The following TXLNB variants were observed in gnomAD, a reference collection of about 807,000 sequenced individuals.
TXLNB encodes beta-taxilin.
In TXLNB, 37 loss-of-function variants were observed where a neutral mutation model predicts 57.4. That is an observed-to-expected ratio of 0.64 (90% CI 0.50 to 0.85). The LOEUF (loss-of-function observed/expected upper bound fraction) is 0.85. Ranked by LOEUF, TXLNB falls within the 40% of genes least tolerant of loss-of-function variation. The pLI is 0.00. For synonymous variants in TXLNB, 302 were observed against 309.6 expected, an observed-to-expected ratio of 0.98 and a Z score of 0.26; for missense variants, 848 against 825.6, an observed-to-expected ratio of 1.03 and a Z score of -0.33.
the TXLNB span, among the ~76,000 whole-genome samples, chr6:139,229,944 T>C: frequency 6.6e-6 from 1 of 152,228 alleles, no homozygotes; most frequent in African/African-American, 2.4e-5. Flanking sequence ...CTATTTCTTT[T>C]TTTCCTGGAC....
intron 2 of TXLNB, among the ~76,000 whole-genome samples, chr6:139,288,117 G>A (rs1479863467): frequency 6.6e-6 from 1 of 152,222 alleles, no homozygotes; most frequent in African/African-American, 2.4e-5. Flanking sequence ...TAGTGGTGGT[G>A]GTGGTAATAG....
At chr6:139,255,412 T>A (rs1776310431) in intron 7 of TXLNB, 152 bp downstream of exon 7, 1 of 704,926 alleles carries the variant, frequency 1.4e-6, no homozygotes, top group African/African-American at 1.8e-5. Flanking sequence ...TACTTGAAAA[T>A]ATGAATAAAT....
intron 3 of TXLNB, among the ~76,000 whole-genome samples, chr6:139,274,827 G>A (rs985365164): frequency 6.6e-6 from 1 of 152,142 alleles, no homozygotes; most frequent in African/African-American, 2.4e-5. Context: ...GCCTTGGTAT[G>A]AGTTGGTAAA....
At chr6:139,201,589 T>C in the TXLNB span, 1 of 152,236 alleles carries the variant, frequency 6.6e-6, no homozygotes, top group Non-Finnish European at 1.5e-5. Flanking sequence ...AATTCATGAA[T>C]TGCAAGTAAA....
the TXLNB span, among the ~76,000 whole-genome samples, chr6:139,212,713 T>C: frequency 6.6e-6 from 1 of 152,244 alleles, no homozygotes; most frequent in Non-Finnish European, 1.5e-5. Flanking sequence ...GACCCATCAG[T>C]GTGCTGTATT....
chr6:139,298,101 C>T, the TXLNB span, among the ~76,000 whole-genome samples: 1 of 152,154 alleles, frequency 6.6e-6, no homozygotes, highest in African/African-American at 2.4e-5. Context: ...AATATGATTC[C>T]CACCCTGTGA....
chr6:139,287,263 G>A (rs1331734418), intron 2 of TXLNB: 1 of 152,278 alleles, frequency 6.6e-6, no homozygotes, highest in African/African-American at 2.4e-5. Flanking sequence ...GCCCAAGACA[G>A]CACTACTGTT....
intron 2 of TXLNB, chr6:139,286,884 C>T (rs1411829145): frequency 5.9e-6 from 1 of 170,722 alleles, no homozygotes; most frequent in Non-Finnish European, 1.2e-5. Flanking sequence ...CTCAAGGCTC[C>T]CACTGATTCT....
At chr6:139,174,600 T>G in the TXLNB span, 1 of 1,573,414 alleles carries the variant, frequency 6.4e-7, no homozygotes, top group African/African-American at 1.4e-5. Flanking sequence ...CCCAAGTGAA[T>G]GTAGGGAAGA....
At chr6:139,285,495 G>A (rs1308195538) in intron 2 of TXLNB, among the ~76,000 whole-genome samples, 1 of 144,290 alleles carries the variant, frequency 6.9e-6, no homozygotes, top group Non-Finnish European at 1.5e-5. Context: ...GTAACACAGA[G>A]CAATTTTATT....
At chr6:139,213,974 A>T in the TXLNB span, among the ~76,000 whole-genome samples, 1 of 152,230 alleles carries the variant, frequency 6.6e-6, no homozygotes, top group African/African-American at 2.4e-5. Flanking sequence ...TCTGAAATTG[A>T]GGCAATAATT....
At chr6:139,308,468 AAG>A in the TXLNB span, among the ~76,000 whole-genome samples, 1 of 152,240 alleles carries the variant, frequency 6.6e-6, no homozygotes, top group South Asian at 2.1e-4. Context: ...ATATCTTGTG[AAG>A]AGTTACAGAT....
At chr6:139,174,267 A>T in the TXLNB span, 1 of 1,202,170 alleles carries the variant, frequency 8.3e-7, no homozygotes, top group Non-Finnish European at 1.1e-6. Flanking sequence ...TTCTTTTTAT[A>T]TTTATCCAAA....
At chr6:139,260,145 T>G (rs530338086) in intron 6 of TXLNB, among the ~76,000 whole-genome samples, 173 bp downstream of exon 6, 14 of 152,236 alleles carry the variant, frequency 9.2e-5, no homozygotes, top group African/African-American at 3.1e-4. Context: ...GCTGGAATCC[T>G]GGAGGCTGAG....
At chr6:139,290,606 A>G (rs4544926) in intron 1 of TXLNB, among the ~76,000 whole-genome samples, 7,856 of 152,234 alleles carry the variant, frequency 0.052, 489 homozygotes, top group African/African-American at 0.15. Flanking sequence ...CAGCAATAAT[A>G]AGGGCCCTTA....
At chr6:139,266,606 A>C (rs1035415384) in intron 4 of TXLNB, among the ~76,000 whole-genome samples, 1 of 152,180 alleles carries the variant, frequency 6.6e-6, no homozygotes, top group Non-Finnish European at 1.5e-5. Context: ...CCTGTGGGAC[A>C]ATATCAAAAG....
At chr6:139,163,352 C>CTTTT in the TXLNB span, among the ~76,000 whole-genome samples, 23 of 142,456 alleles carry the variant, frequency 1.6e-4, no homozygotes, top group East Asian at 7.3e-4. Flanking sequence ...GTTCTCCATT[C>CTTTT]TTTTTTTTTT....
At chr6:139,222,403 T>C in the TXLNB span, among the ~76,000 whole-genome samples, 33 of 152,222 alleles carry the variant, frequency 2.2e-4, no homozygotes, top group African/African-American at 7.5e-4. Context: ...CAGATAAAAA[T>C]AGATATTTCA....
At chr6:139,202,614 G>C in the TXLNB span, among the ~76,000 whole-genome samples, 2 of 152,152 alleles carry the variant, frequency 1.3e-5, no homozygotes, top group African/African-American at 4.8e-5. Context: ...ATAAAGTACA[G>C]TGTGATATTT....
Sources: gnomAD v4.1 joint callset for allele counts (sites outside exome capture counted in the v4.1 genomes callset) on GRCh38, gnomAD v4.1.1 for gene constraint, MANE v1.5 for transcripts, NCBI Gene and HGNC (gene_info 2026-07-23, HGNC 2026-07-21) for gene names.